CSMD1: variants seen among roughly 807,000 people sequenced by gnomAD.
CSMD1 encodes CUB and sushi domain-containing protein 1.
In CSMD1, 213 loss-of-function variants were observed where a neutral mutation model predicts 417.5. The ratio of observed to expected loss-of-function variants is 0.51; its 90% confidence interval spans 0.46 to 0.57. CSMD1 has a LOEUF of 0.57. CSMD1 is among the 20% of genes least tolerant of loss of function. The pLI is 0.00. For synonymous variants in CSMD1, 2,862 were observed against 1,736.8 expected (o/e 1.65, Z -16.11); for missense variants, 6,923 against 4,529.7 (o/e 1.53, Z -15.17).
intron 3 of CSMD1, among the ~76,000 whole-genome samples, chr8:4,272,448 A>C (rs1804663473): frequency 6.6e-6 from 1 of 152,184 alleles, no homozygotes; most frequent in African/African-American, 2.4e-5. Context: ...AACTATCTAA[A>C]ACCAGGATTC....
At chr8:4,544,040 T>C (rs1797527473) in intron 2 of CSMD1, among the ~76,000 whole-genome samples, 1 of 152,174 alleles carries the variant, frequency 6.6e-6, no homozygotes, top group African/African-American at 2.4e-5. Flanking sequence ...TTATCAGAAA[T>C]CCGTTTTTGC....
intron 5 of CSMD1, among the ~76,000 whole-genome samples, chr8:3,968,004 T>TAAAAAAAAAAAAAAAAAAAAAAAAAAAAA (rs11330461): frequency 1.0e-5 from 1 of 98,920 alleles, no homozygotes; most frequent in African/African-American, 4.4e-5. Flanking sequence ...CGTCACTGCT[T>TAAAAAAAAAAAAAAAAAAAAAAAAAAAAA]AAAAAAAAAA....
chr8:4,510,843 TC>T (rs1197197038), intron 2 of CSMD1, among the ~76,000 whole-genome samples: 1 of 80,052 alleles, frequency 1.2e-5, no homozygotes, highest in East Asian at 4.0e-4. Flanking sequence ...CCTCCCTCCC[TC>T]CTCCCTCCTC....
chr8:3,602,838 C>G (rs1286098167), intron 8 of CSMD1, among the ~76,000 whole-genome samples: 1 of 151,930 alleles, frequency 6.6e-6, no homozygotes, highest in Non-Finnish European at 1.5e-5. Context: ...ACAAACTGGG[C>G]TTTTGTTGAT....
At chr8:4,129,018 G>C (rs1005401891) in intron 3 of CSMD1, among the ~76,000 whole-genome samples, 3 of 139,696 alleles carry the variant, frequency 2.1e-5, no homozygotes, top group Non-Finnish European at 3.0e-5. Context: ...AGAGGCTGCA[G>C]TAAGCCGAGA....
intron 1 of CSMD1, among the ~76,000 whole-genome samples, chr8:4,791,684 G>C (rs532530809): frequency 8.5e-5 from 13 of 152,244 alleles, no homozygotes; most frequent in Admixed American, 6.5e-5. Flanking sequence ...TGGAGAGAGA[G>C]GCCAGGATCT....
intron 9 of CSMD1, among the ~76,000 whole-genome samples, chr8:3,585,286 G>T (rs189266064): frequency 1.3e-5 from 2 of 152,272 alleles, no homozygotes; most frequent in East Asian, 3.9e-4. Context: ...ATGCTTAAAA[G>T]TTTAAAATGT....
At chr8:4,682,019 A>C (rs1806081531) in intron 1 of CSMD1, among the ~76,000 whole-genome samples, 1 of 152,014 alleles carries the variant, frequency 6.6e-6, no homozygotes, top group Non-Finnish European at 1.5e-5. Context: ...TATTGGATAA[A>C]TTTGTTGTTG....
chr8:3,819,989 C>T (rs1585044822), intron 5 of CSMD1, among the ~76,000 whole-genome samples: 2 of 152,138 alleles, frequency 1.3e-5, no homozygotes, highest in Non-Finnish European at 2.9e-5. Context: ...AGACTTGAAT[C>T]CCTTCAGCGT....
chr8:4,712,625 G>C (rs894155852), intron 1 of CSMD1, among the ~76,000 whole-genome samples: 1 of 152,178 alleles, frequency 6.6e-6, no homozygotes, highest in African/African-American at 2.4e-5. Context: ...GTTTATTTTT[G>C]ATGAGATTTG....
chr8:4,435,555 C>T (rs1433224787), intron 2 of CSMD1, among the ~76,000 whole-genome samples: 1 of 152,170 alleles, frequency 6.6e-6, no homozygotes, highest in African/African-American at 2.4e-5. Context: ...AAAACATTTT[C>T]CTATGGCTGT....
At chr8:4,461,787 C>T (rs1260396615) in intron 2 of CSMD1, among the ~76,000 whole-genome samples, 1 of 145,416 alleles carries the variant, frequency 6.9e-6, no homozygotes, top group Non-Finnish European at 1.5e-5. Context: ...GTCACCCAGG[C>T]TGGAGTGCAG....
At chr8:4,088,287 C>T (rs999042052) in intron 3 of CSMD1, among the ~76,000 whole-genome samples, 1 of 152,222 alleles carries the variant, frequency 6.6e-6, no homozygotes, top group Non-Finnish European at 1.5e-5. Context: ...AATTGCATGG[C>T]CATTGAATAC....
At chr8:4,278,993 T>C (rs1796636426) in intron 3 of CSMD1, among the ~76,000 whole-genome samples, 1 of 152,232 alleles carries the variant, frequency 6.6e-6, no homozygotes, top group South Asian at 2.1e-4. Flanking sequence ...TATATTGTTA[T>C]AACTATTTAC....
intron 4 of CSMD1, among the ~76,000 whole-genome samples, chr8:4,023,785 G>C (rs139075247): frequency 4.8e-5 from 2 of 41,928 alleles, no homozygotes; most frequent in Admixed American, 3.4e-4. Context: ...TTTTTTTTTT[G>C]TGTGTGTATT....
chr8:4,056,098 TTGAGACAGAGTCTCAC>T, intron 3 of CSMD1, among the ~76,000 whole-genome samples: 1 of 149,466 alleles, frequency 6.7e-6, no homozygotes, highest in East Asian at 2.0e-4. Context: ...TTTTTTTTTT[TTGAGACAGAGTCTCAC>T]TTTGTCACCC....
intron 5 of CSMD1, among the ~76,000 whole-genome samples, chr8:3,929,041 C>T (rs934025962): frequency 1.3e-5 from 2 of 150,498 alleles, no homozygotes; most frequent in Non-Finnish European, 3.0e-5. Flanking sequence ...GGGCCATCAG[C>T]ATTGCCATCT....
At chr8:4,048,020 C>T (rs1315718376) in intron 3 of CSMD1, among the ~76,000 whole-genome samples, 14 of 152,018 alleles carry the variant, frequency 9.2e-5, no homozygotes, top group African/African-American at 3.1e-4. Context: ...GAGATCAAAC[C>T]GTTTTGCCCA....
chr8:3,372,752 C>T (rs74697590), intron 18 of CSMD1, among the ~76,000 whole-genome samples: 13,771 of 152,008 alleles, frequency 0.091, 789 homozygotes, highest in East Asian at 0.16. Context: ...GTAGAATGGC[C>T]GACATTATAA....
Sources: allele counts gnomAD v4.1 joint callset (sites outside exome capture counted in the v4.1 genomes callset), GRCh38; gene constraint gnomAD v4.1.1; transcripts MANE v1.5; gene names NCBI Gene and HGNC (gene_info 2026-07-23, HGNC 2026-07-21).